The following POLD1 variants were observed in gnomAD, a reference collection of about 807,000 sequenced individuals.
POLD1 encodes the protein DNA polymerase delta catalytic subunit.
A neutral mutation model predicts 129.7 loss-of-function variants in POLD1; 79 were observed. The observed-to-expected ratio is 0.61, with a 90% CI of 0.51 to 0.73. The LOEUF (loss-of-function observed/expected upper bound fraction) is 0.73, where lower values mean the gene tolerates loss of function less well. Ranked by LOEUF, POLD1 falls within the 30% of genes least tolerant of loss-of-function variation. The pLI is 0.00. For synonymous variants in POLD1, 714 were observed against 683.3 expected, an observed-to-expected ratio of 1.04 and a Z score of -0.70; for missense variants, 1,338 against 1,595.8, an observed-to-expected ratio of 0.84 and a Z score of 2.75.
intron 3 of POLD1, among the ~76,000 whole-genome samples, chr19:50,401,228 A>G (rs2038587302): frequency 6.7e-6 from 1 of 148,396 alleles, no homozygotes; most frequent in South Asian, 2.1e-4. Flanking sequence ...GGTGGTTGAA[A>G]TATAAATATA....
Position 50,399,027 on chromosome 19 carries a change from A to C in POLD1, c.176A>C (p.Gln59Pro), listed in dbSNP as rs924990439. ...CAGGAGCAGGAGGAGGAGGAGCTGC[A>C]GTCAGTCCTGGAGGGGGTTGCAGAC... ...RLQEQEEEELQSVLEGVADGQ... is the reference protein window; with the variant it reads ...RLQEQEEEELPSVLEGVADGQ... The change falls in exon 2 of 27, where the codon CAG becomes CCG. Residue 59 changes from glutamine (Q) to proline (P), a missense_variant. Physicochemically the swap from Gln to Pro is moderately conservative, Grantham distance 76. Coordinates refer to ENST00000440232, the MANE Select transcript of POLD1 (RefSeq NM_002691.4). The C allele has an allele frequency of 6.4e-7, 1 of 1,557,286 alleles. No individual in the cohort carries two copies. The highest frequency in any genetic ancestry group is 8.7e-7 in the Non-Finnish European group (1 of 1,150,252).
chr19:50,408,228 G>A lies in POLD1; in HGVS notation c.1776-557G>A, dbSNP rs927342935. Among the ~76,000 whole-genome samples the A allele has an allele frequency of 6.0e-5, 9 of 150,954 alleles. No individual in the cohort carries two copies. In the East Asian group the frequency reaches 7.9e-4, roughly 13 times the overall value. The stretch of plus-strand genomic sequence containing the variant: ...CGGGCGCCTGCAGTGCCAGCTACTC[G>A]GGAGGCTGAGGCAGAAGAATCGCTT... On this transcript the variant is annotated intron_variant, in intron 14 of 26. Transcript: ENST00000440232.
At chr19:50,407,534 A>C (rs905735324) in intron 14 of POLD1, 119 bp downstream of exon 14, 5 of 445,142 alleles carry the variant, frequency 1.1e-5, no homozygotes, top group African/African-American at 8.2e-5. Context: ...CCCCTGCTCC[A>C]CAAAATTTTT....
At position 50,402,515 on chromosome 19, in the gene POLD1, G is replaced by A. The variant is rs878854557; in HGVS notation, c.820G>A (p.Ala274Thr). The A allele has an allele frequency of 5.0e-6, 8 of 1,606,810 alleles. No individual in the cohort carries two copies. The highest frequency in any genetic ancestry group is 4.0e-5 in the African/African-American group (3 of 74,764). Residue 274 changes from alanine to threonine, a missense_variant, in exon 7 of 27, where the codon GCC (alanine) becomes ACC (threonine). Coordinates refer to ENST00000440232, the MANE Select transcript of POLD1 (RefSeq NM_002691.4). The part of the protein sequence containing the change: ...NWLELPAGKY[A>T]LRLKEKATQC... ...GCTGGAGCTCCCAGCTGGGAAATAC[G>A]CCCTGAGGCTGAAGGAGAAGGTGCA... is the stretch of plus-strand genomic sequence containing the variant.
At chr19:50,413,571 G>A (rs1482682135) in intron 18 of POLD1, 50 bp downstream of exon 18, 3 of 1,559,088 alleles carry the variant, frequency 1.9e-6, no homozygotes, top group Middle Eastern at 1.7e-4. Context: ...GCAGGTGGGG[G>A]GATGGAAGCC....
chr19:50,395,318 G>T (rs375388499), intron 1 of POLD1, among the ~76,000 whole-genome samples: 1 of 151,328 alleles, frequency 6.6e-6, no homozygotes. Context: ...AGTGTAGGCC[G>T]GGCGCGGTGG....
Position 50,409,207 on chromosome 19 carries a change from C to T in POLD1, c.1978C>T (p.Leu660=). The change falls in exon 16 of 27, where the codon CTG becomes TTG. Residue 660 remains leucine, a synonymous_variant. Transcript: ENST00000440232. This position sits in a 1 kb window ranked among gnomAD's most constrained non-coding sequence, Gnocchi z 5.8. The stretch of plus-strand genomic sequence containing the variant: ...GCGGAAGGGGCTGCTGCCCCAGATC[C>T]TGGAGAACCTGCTCAGTGCCCGGAA... ...SVRKGLLPQI[L]ENLLSARKRA... is the part of the protein sequence containing the mutation. 6.2e-7 allele frequency: 1 copy of T among 1,612,830 alleles called. No individual in the cohort carries two copies. Among genetic ancestry groups the T allele is most frequent in the Non-Finnish European group, 8.5e-7 (1 of 1,178,940 alleles).
In POLD1 at chr19:50,408,825, C is replaced by T. The variant is rs1568630225; in HGVS notation, c.1816C>T (p.Leu606=). 1 of 1,614,048 alleles carries T rather than the reference C, an allele frequency of 6.2e-7. No individual in the cohort carries two copies. Among genetic ancestry groups the T allele is most frequent in the African/African-American group, 1.3e-5 (1 of 75,056 alleles). The change falls in exon 15 of 27, where the codon CTG becomes TTG. Residue 606 remains leucine, a synonymous_variant. Transcript: ENST00000440232. ...VPIATLDFSS[L]YPSIMMAHNL... is the part of the protein sequence containing the mutation. The stretch of plus-strand genomic sequence containing the variant: ...CATCGCCACCCTGGACTTCTCCTCG[C>T]TGTACCCGTCCATCATGATGGCCCA...
intron 15 of POLD1, 58 bp downstream of exon 15, chr19:50,408,959 G>A: frequency 1.3e-6 from 2 of 1,526,500 alleles, no homozygotes; most frequent in South Asian, 1.2e-5. Context: ...TCCCTTGGGG[G>A]GCTCAGTCTG....
chr19:50,416,796 C>A, intron 24 of POLD1, 73 bp downstream of exon 24: 1 of 1,236,372 alleles, frequency 8.1e-7, no homozygotes, highest in Non-Finnish European at 1.1e-6. Flanking sequence ...CCTAGACACC[C>A]ACCCCATCGG....
At position 50,391,119 on chromosome 19, in the gene POLD1, C is replaced by T. The variant is rs146434952; in HGVS notation, c.-2+6729C>T. On this transcript the variant is annotated intron_variant, in intron 1 of 26. Coordinates refer to ENST00000440232, the MANE Select transcript of POLD1 (RefSeq NM_002691.4). ...AGACGGGGTGGCGGCCAGGCAGAGG[C>T]GCTCCTCACATCCCAGACGGGGCGT... Among the ~76,000 whole-genome samples the T allele has an allele frequency of 2.8e-3, 405 of 145,074 alleles. 21 individuals are homozygous for T. The highest frequency in any genetic ancestry group is 0.01 in the African/African-American group (370 of 35,254).
chr19:50,390,455 A>T (rs562081229), intron 1 of POLD1, among the ~76,000 whole-genome samples: 1 of 152,194 alleles, frequency 6.6e-6, no homozygotes, highest in East Asian at 1.9e-4. Flanking sequence ...GGCTAAAATG[A>T]TGAAGGACAT....
chr19:50,409,682 C>A lies in POLD1; in HGVS notation c.2154+16C>A, dbSNP rs545333156. 35 of 1,586,264 alleles carry A rather than the reference C, an allele frequency of 2.2e-5. No individual in the cohort carries two copies. The South Asian group carries it at 2.4e-4, about 11-fold the overall frequency. ...GATCTCACAGGTGGGCACTCGGGCC[C>A]CTGGAAGGCAACTGGGGGCAGGTGG... On this transcript the variant is annotated intron_variant, in intron 17 of 26. Coordinates refer to ENST00000440232, the MANE Select transcript of POLD1 (RefSeq NM_002691.4). This position sits in a 1 kb window ranked among gnomAD's most constrained non-coding sequence, Gnocchi z 5.8.
intron 9 of POLD1, 128 bp from the exon 10 acceptor site, chr19:50,403,365 G>C (rs2038740311): frequency 9.0e-7 from 1 of 1,116,924 alleles, no homozygotes; most frequent in Non-Finnish European, 1.3e-6. Flanking sequence ...TGTGCAATTA[G>C]GCTTGAGCAC....
chr19:50,409,490 G>A lies in POLD1; in HGVS notation c.2007-29G>A, dbSNP rs370649106. The A allele has an allele frequency of 1.4e-5, 22 of 1,613,312 alleles. No individual in the cohort carries two copies. In the African/African-American group the frequency reaches 2.8e-4, roughly 21 times the overall value. On this transcript the variant is annotated intron_variant, in intron 16 of 26. Coordinates refer to ENST00000440232, the MANE Select transcript of POLD1 (RefSeq NM_002691.4). This position sits in a 1 kb window ranked among gnomAD's most constrained non-coding sequence, Gnocchi z 5.8. ...CCTGACCAATGCCCAGGTGCCGCCT[G>A]AGTGTGCTTTCCCCGTGTTCCCTCG...
At chr19:50,415,049 A>G in intron 20 of POLD1, 59 bp downstream of exon 20, 1 of 1,395,244 alleles carries the variant, frequency 7.2e-7, no homozygotes, top group Non-Finnish European at 9.5e-7. Context: ...CTCCTCCCTC[A>G]GACCCAGGAG....
In POLD1 at chr19:50,403,576, C is replaced by A. The variant is rs1397545786; in HGVS notation, c.1221C>A (p.Ile407=). ...NIQNFDLPYL[I]SRAQTLKVQT... is the part of the protein sequence containing the mutation. ...AGAACTTCGACCTTCCGTACCTCATCTCTCGGGCCCAGACCCTCAAGGTGA... is the reference window on the plus strand; with the variant it reads ...AGAACTTCGACCTTCCGTACCTCATATCTCGGGCCCAGACCCTCAAGGTGA... Residue 407 remains isoleucine, a synonymous_variant, in exon 10 of 27, where the codon ATC becomes ATA. Coordinates refer to ENST00000440232, the MANE Select transcript of POLD1 (RefSeq NM_002691.4). 6.2e-7 allele frequency: 1 copy of A among 1,612,818 alleles called. No individual in the cohort carries two copies. The highest frequency in any genetic ancestry group is 1.1e-5 in the South Asian group (1 of 91,054).
chr19:50,401,678 G>A, intron 3 of POLD1, 100 bp from the exon 4 acceptor site: 1 of 1,294,388 alleles, frequency 7.7e-7, no homozygotes, highest in Non-Finnish European at 1.1e-6. Flanking sequence ...AGGGGCAGGA[G>A]TGCCCCAGGC....
At chr19:50,391,780 T>C (rs1475982458) in intron 1 of POLD1, among the ~76,000 whole-genome samples, 2 of 152,100 alleles carry the variant, frequency 1.3e-5, no homozygotes, top group Non-Finnish European at 2.9e-5. Context: ...TGGCGCAATC[T>C]TGGCTCACTG....
Sources: allele counts gnomAD v4.1 joint callset (sites outside exome capture counted in the v4.1 genomes callset), GRCh38; gene constraint gnomAD v4.1.1; non-coding constraint Gnocchi (gnomAD v3.1); transcripts MANE v1.5; gene names NCBI Gene and HGNC (gene_info 2026-07-23, HGNC 2026-07-21).